The following PPEF1 variants were observed in gnomAD, a reference collection of about 807,000 sequenced individuals.
PPEF1 encodes the protein serine/threonine-protein phosphatase with EF-hands 1.
Under a neutral mutation model 53.3 loss-of-function variants are expected in PPEF1, and 12 were observed. The ratio of observed to expected loss-of-function variants is 0.23; its 90% CI spans 0.14 to 0.36. PPEF1 has a LOEUF of 0.36. Ranked by LOEUF, PPEF1 falls within the 10% of genes least tolerant of loss-of-function variation. PPEF1 has a pLI of 1.00. For synonymous variants in PPEF1, 165 were observed against 176.7 expected (o/e 0.93, Z 0.52); for missense variants, 334 against 490.4 (o/e 0.68, Z 3.01).
intron 6 of PPEF1, among the ~76,000 whole-genome samples, chrX:18,765,702 G>C (rs1035631232): frequency 9.0e-6 from 1 of 110,872 alleles, no homozygotes; most frequent in Non-Finnish European, 1.9e-5. Flanking sequence ...CAGAAAACCC[G>C]GAAACTATAT....
At chrX:18,788,260 G>C (rs1245099150) in intron 9 of PPEF1, among the ~76,000 whole-genome samples, 2 of 93,886 alleles carry the variant, frequency 2.1e-5, no homozygotes, top group Non-Finnish European at 4.1e-5. Flanking sequence ...AGCCGAGATC[G>C]CGCCACTGCA....
chrX:18,733,521 G>A (rs138913003), intron 2 of PPEF1, among the ~76,000 whole-genome samples: 1,126 of 111,812 alleles, frequency 0.01, 18 homozygotes, highest in African/African-American at 0.034. Flanking sequence ...TCAGCCAGTC[G>A]TTGTCTCTGG....
At chrX:18,689,409 G>A (rs1406926621) in intron 3 of PPEF1, among the ~76,000 whole-genome samples, 2 of 106,468 alleles carry the variant, frequency 1.9e-5, no homozygotes, top group African/African-American at 6.8e-5. Flanking sequence ...TTGAGCCCGG[G>A]AGGTGGAGGC....
chrX:18,812,181 G>A (rs2046825243), intron 12 of PPEF1, among the ~76,000 whole-genome samples: 2 of 111,514 alleles, frequency 1.8e-5, no homozygotes, highest in Admixed American at 9.6e-5. Context: ...TGTGAAGGAA[G>A]GGTTCAGCTT....
At chrX:18,770,828 T>G (rs10482256) in intron 6 of PPEF1, among the ~76,000 whole-genome samples, 1,578 of 112,595 alleles carry the variant, frequency 0.014, 28 homozygotes, top group African/African-American at 0.048. Context: ...AAATATAATT[T>G]TAGACTATTG....
At chrX:18,705,082 G>A (rs1393748532), upstream of PPEF1, among the ~76,000 whole-genome samples, 1 of 111,070 alleles carries the variant, frequency 9.0e-6, no homozygotes, top group Non-Finnish European at 1.9e-5. Flanking sequence ...TTCCTCCCCT[G>A]CCCTTCCTTC....
chrX:18,810,608 A>G (rs1159313004), intron 12 of PPEF1, among the ~76,000 whole-genome samples: 1 of 112,317 alleles, frequency 8.9e-6, no homozygotes, highest in Non-Finnish European at 1.9e-5. Flanking sequence ...TCGGCATTTC[A>G]TATAAATGAG....
chrX:18,804,225 G>A lies in PPEF1; in HGVS notation c.1251+148G>A, dbSNP rs980108775. 7 of 478,365 alleles carry A rather than the reference G, an allele frequency of 1.5e-5. No individual in the cohort carries two copies. In the East Asian group the frequency reaches 2.5e-4, roughly 17 times the overall value. The allele number at this position is 478,365 out of a possible 1,213,427, so 39.4% of individuals were successfully genotyped here. On this transcript the variant is annotated intron_variant, in intron 11 of 15. Transcript: ENST00000470157. ...ACCAGAGAAGGCGAGCTTCATCTAG[G>A]TTGTTTGAAGGGGCCTCACTGTCCC...
At chrX:18,757,404 A>G (rs1260341033) in intron 4 of PPEF1, among the ~76,000 whole-genome samples, 1 of 110,402 alleles carries the variant, frequency 9.1e-6, no homozygotes, top group Non-Finnish European at 1.9e-5. Flanking sequence ...TTGGGCTCTA[A>G]GGACCTGGGA....
chrX:18,715,368 C>T (rs1439759875), intron 1 of PPEF1, among the ~76,000 whole-genome samples: 1 of 111,228 alleles, frequency 9.0e-6, no homozygotes, highest in Non-Finnish European at 1.9e-5. Flanking sequence ...ACTGTCTCTA[C>T]TAAAAATAGA....
chrX:18,698,508 G>T (rs1929858517), intron 5 of PPEF1, among the ~76,000 whole-genome samples: 1 of 111,978 alleles, frequency 8.9e-6, no homozygotes, highest in African/African-American at 3.2e-5. Flanking sequence ...TGAGGGTGTG[G>T]CCAGTCGCAG....
intron 1 of PPEF1, among the ~76,000 whole-genome samples, chrX:18,708,439 C>T (rs1181971388): frequency 6.2e-5 from 7 of 112,141 alleles, no homozygotes. Context: ...TTTCTCATGG[C>T]TATTGGCATC....
intron 1 of PPEF1, among the ~76,000 whole-genome samples, chrX:18,677,617 T>C (rs4825264): frequency 0.34 from 37,595 of 109,967 alleles, 4,969 homozygotes; most frequent in East Asian, 0.66. Context: ...CCCCCAACCC[T>C]AATCTCGGTT....
intron 6 of PPEF1, among the ~76,000 whole-genome samples, chrX:18,767,940 CG>C (rs1808956356): frequency 9.0e-6 from 1 of 111,091 alleles, no homozygotes; most frequent in Non-Finnish European, 1.9e-5. Context: ...TTGATTGCTT[CG>C]GGAAATGGTA....
At chrX:18,727,036 C>A (rs2044726337) in intron 1 of PPEF1, among the ~76,000 whole-genome samples, 1 of 112,267 alleles carries the variant, frequency 8.9e-6, no homozygotes, top group African/African-American at 3.2e-5. Context: ...TCTACAACAT[C>A]ATTGTGCAGA....
intron 3 of PPEF1, among the ~76,000 whole-genome samples, chrX:18,749,053 A>T (rs2045386616): frequency 9.0e-6 from 1 of 111,530 alleles, no homozygotes; most frequent in Non-Finnish European, 1.9e-5. Flanking sequence ...CTCTGTCTGA[A>T]TTGTCTTGAT....
intron 1 of PPEF1, among the ~76,000 whole-genome samples, chrX:18,709,364 G>C (rs1163107978): frequency 8.9e-6 from 1 of 111,995 alleles, no homozygotes; most frequent in Non-Finnish European, 1.9e-5. Flanking sequence ...TTTGTGTCTG[G>C]CTTTGTCCAT....
intron 1 of PPEF1, among the ~76,000 whole-genome samples, chrX:18,716,314 C>T (rs1349221732): frequency 1.8e-5 from 2 of 110,259 alleles, no homozygotes; most frequent in East Asian, 5.7e-4. Context: ...GGGTGAATCA[C>T]GAGGTCAGGA....
chrX:18,794,674 G>C (rs910778542), intron 10 of PPEF1, among the ~76,000 whole-genome samples: 6 of 112,739 alleles, frequency 5.3e-5, no homozygotes, highest in Non-Finnish European at 1.1e-4. Context: ...CAATGAGCGG[G>C]AGAAGTGACC....
Sources: allele counts gnomAD v4.1 joint callset (sites outside exome capture counted in the v4.1 genomes callset), GRCh38; gene constraint gnomAD v4.1.1; transcripts MANE v1.5; gene names NCBI Gene and HGNC (gene_info 2026-07-23, HGNC 2026-07-21).